The following XKR5 variants were observed in gnomAD, a reference collection of about 807,000 sequenced individuals.
The protein encoded by XKR5 is XK-related protein 5.
In XKR5, 46 loss-of-function variants were observed where a neutral mutation model predicts 40.8. That is an observed-to-expected ratio of 1.13 (90% CI 0.89 to 1.44). The LOEUF (loss-of-function observed/expected upper bound fraction) is 1.44, where lower values mean the gene tolerates loss of function less well. Among genes scored for constraint, XKR5 ranks in the 40% most tolerant of loss-of-function variants. The pLI is 0.00. For missense variants in XKR5, 1,169 were observed against 844.7 expected, an observed-to-expected ratio of 1.38 and a Z score of -4.76; for synonymous variants, 466 against 356.1, an observed-to-expected ratio of 1.31 and a Z score of -3.48.
intron 5 of XKR5, among the ~76,000 whole-genome samples, chr8:6,819,239 G>A (rs1395400243): frequency 1.3e-5 from 2 of 152,220 alleles, no homozygotes; most frequent in Non-Finnish European, 1.5e-5. Context: ...CCTGGGGTCT[G>A]GCAGCCTCTT....
chr8:6,829,912 A>G (rs1299766319), intron 2 of XKR5, among the ~76,000 whole-genome samples: 1 of 128,318 alleles, frequency 7.8e-6, no homozygotes, highest in Non-Finnish European at 1.5e-5. Flanking sequence ...ATCTCGGCTC[A>G]CTGCAAGTTC....
chr8:6,833,745 C>G (rs1233710785), intron 1 of XKR5, among the ~76,000 whole-genome samples: 2 of 152,154 alleles, frequency 1.3e-5, no homozygotes, highest in Non-Finnish European at 2.9e-5. Flanking sequence ...AACCAACCAA[C>G]ACAGTGTCCC....
At chr8:6,816,057 C>G (rs1803945277) in intron 5 of XKR5, 139 bp from the exon 6 acceptor site, 2 of 616,426 alleles carry the variant, frequency 3.2e-6, no homozygotes, top group Non-Finnish European at 5.7e-6. Flanking sequence ...GAGGAGTACC[C>G]AGGAGCAGGG....
At chr8:6,825,370 C>G (rs181306588) in intron 2 of XKR5, 21 bp from the exon 3 acceptor site, 25 of 1,503,846 alleles carry the variant, frequency 1.7e-5, no homozygotes. Context: ...GCAGAGGGCA[C>G]GTGACACGGA....
chr8:6,830,794 C>T (rs1021227594), intron 2 of XKR5, among the ~76,000 whole-genome samples: 4 of 152,094 alleles, frequency 2.6e-5, no homozygotes, highest in African/African-American at 7.2e-5. Flanking sequence ...TATTCAAGTT[C>T]GTTTTTTTAT....
chr8:6,813,649 G>T (rs1438148915), intron 6 of XKR5, among the ~76,000 whole-genome samples: 1 of 152,236 alleles, frequency 6.6e-6, no homozygotes, highest in Non-Finnish European at 1.5e-5. Context: ...TCCATCAGAG[G>T]CCGGAGGAGG....
chr8:6,819,211 T>C (rs1236051770), intron 5 of XKR5, among the ~76,000 whole-genome samples: 1 of 152,194 alleles, frequency 6.6e-6, no homozygotes, highest in Non-Finnish European at 1.5e-5. Flanking sequence ...TGCAGCTTCT[T>C]CTGGGGCCCA....
rs1483685343 is a variant in XKR5, at chr8:6,825,259, G to A, written c.333C>T (p.Ala111=). ...WLQLQEADLS[A]LRLLEALLQT... is the part of the protein sequence containing the mutation. ...GCAGCAGGGCCTCCAAGAGTCGAAGGGCCGACAGGTCGGCCTCCTGCAGCT... is the reference window on the plus strand; with the variant it reads ...GCAGCAGGGCCTCCAAGAGTCGAAGAGCCGACAGGTCGGCCTCCTGCAGCT... Residue 111 remains alanine, a synonymous_variant, in exon 3 of 7, where the codon GCC becomes GCT. Coordinates refer to ENST00000618742, the MANE Select transcript of XKR5 (RefSeq NM_207411.5). 6.2e-7 allele frequency: 1 copy of A among 1,612,150 alleles called. No individual in the cohort carries two copies. Among genetic ancestry groups the A allele is most frequent in the South Asian group, 1.1e-5 (1 of 90,812 alleles).
At chr8:6,826,330 AGT>A (rs147603963) in intron 2 of XKR5, among the ~76,000 whole-genome samples, 3 of 138,500 alleles carry the variant, frequency 2.2e-5, no homozygotes, top group Non-Finnish European at 4.4e-5. Flanking sequence ...GTGCAGTGTG[AGT>A]GTGTGTGTGT....
At position 6,811,356 on chromosome 8, in the gene XKR5, C is replaced by A; in HGVS notation, c.1903G>T (p.Glu635Ter). 3.9e-6 allele frequency: 6 copies of A among 1,537,380 alleles called. No homozygotes were observed. Among genetic ancestry groups the A allele is most frequent in the Non-Finnish European group, 5.2e-6 (6 of 1,146,942 alleles). ...CCAACAGCTGCATGGTGACTTAGCT[C>A]CCTTTTGGGCTCCAGCGGCTCCTCT... ...ELEEPLEPKRELSHHAAVGVW... is the reference protein window; with the variant it reads ...ELEEPLEPKR The change falls in exon 7 of 7, where the codon GAG becomes TAG. Residue 635 changes from glutamate (E) to a stop codon, truncating the protein, a stop_gained. Transcript: ENST00000618742. LOFTEE classifies it low-confidence loss of function (END_TRUNC).
chr8:6,830,547 G>A (rs190110321), intron 2 of XKR5, among the ~76,000 whole-genome samples: 27 of 152,256 alleles, frequency 1.8e-4, no homozygotes, highest in South Asian at 4.1e-4. Flanking sequence ...ATTGTGACCC[G>A]CTTCCGATAG....
At chr8:6,835,405 G>C (rs1380770429) in intron 1 of XKR5, 31 bp downstream of exon 1, 19 of 1,444,868 alleles carry the variant, frequency 1.3e-5, no homozygotes, top group Non-Finnish European at 1.8e-6. Context: ...GGGCTGCAGG[G>C]GTGAGCACAG....
At chr8:6,818,578 C>CCG (rs1804073880) in intron 5 of XKR5, among the ~76,000 whole-genome samples, 2 of 152,246 alleles carry the variant, frequency 1.3e-5, no homozygotes, top group South Asian at 4.1e-4. Context: ...AGGCAGGCTT[C>CCG]CGCCTCTGAG....
Position 6,826,135 on chromosome 8 carries a change from TTG to T in XKR5, c.243-788_243-787del, listed in dbSNP as rs202049620. Among the ~76,000 whole-genome samples, 552 of 152,138 alleles carry T rather than the reference TTG, an allele frequency of 3.6e-3. 2 individuals are homozygous for T. The highest frequency in any genetic ancestry group is 4.6e-3 in the Non-Finnish European group (316 of 67,962). On this transcript the variant is annotated intron_variant, in intron 2 of 6. Transcript: ENST00000618742. ...GAACACACATGTGGTGTACATGTGC[TTG>T]TGTGTGTGTGTATGTATCTGCATGT...
chr8:6,823,724 C>CT lies in XKR5; in HGVS notation c.433dup (p.Ser145LysfsTer85). 6.3e-7 allele frequency: 1 copy of CT among 1,575,410 alleles called. No individual in the cohort carries two copies. Among genetic ancestry groups the CT allele is most frequent in the Non-Finnish European group, 8.6e-7 (1 of 1,160,742 alleles). On this transcript the variant is annotated frameshift_variant, in exon 4 of 7. Transcript: ENST00000618742. LOFTEE classifies it high-confidence loss of function. Reference sequence around the variant, plus strand: ...GAGTGAGGACCAGGAAAACAGGGTGCTCACCCCTGAAAGGGAAGCAGAAAG... The same window carrying CT: ...GAGTGAGGACCAGGAAAACAGGGTGCTTCACCCCTGAAAGGGAAGCAGAAAG...
rs1804337051 is a variant in XKR5 at position 6,823,624 on chromosome 8, G to T, written c.534C>A (p.Ala178=). Reference sequence around the variant, plus strand: ...TCCTCCAGAGCTGCTGGCAGAAGAGGGCGGCCCATGGCATGGCCAGGTGGC... The same window carrying T: ...TCCTCCAGAGCTGCTGGCAGAAGAGTGCGGCCCATGGCATGGCCAGGTGGC... ...KPGHLAMPWA[A]LFCQQLWRMG... Residue 178 remains alanine (A), a synonymous_variant, in exon 4 of 7, where the codon GCC becomes GCA. Coordinates refer to ENST00000618742, the MANE Select transcript of XKR5 (RefSeq NM_207411.5). 6.3e-7 allele frequency: 1 copy of T among 1,593,164 alleles called. No individual in the cohort carries two copies. Among genetic ancestry groups the T allele is most frequent in the South Asian group, 1.1e-5 (1 of 87,292 alleles).
intron 5 of XKR5, 131 bp from the exon 6 acceptor site, chr8:6,816,049 G>A (rs1419647369): frequency 1.6e-6 from 1 of 638,604 alleles, no homozygotes; most frequent in Non-Finnish European, 2.7e-6. Flanking sequence ...AGGCTGCTGA[G>A]GAGTACCCAG....
intron 4 of XKR5, 40 bp from the exon 5 acceptor site, chr8:6,822,078 G>A (rs1296979387): frequency 6.4e-7 from 1 of 1,555,060 alleles, no homozygotes; most frequent in Non-Finnish European, 8.7e-7. Flanking sequence ...GTCCATGCAA[G>A]GAGATGGGGG....
intron 5 of XKR5, among the ~76,000 whole-genome samples, chr8:6,821,591 G>C (rs1463048137): frequency 6.6e-6 from 1 of 152,158 alleles, no homozygotes. Context: ...ATGATATTCA[G>C]CAGGTGGGCT....
Sources: gnomAD v4.1 joint callset for allele counts (sites outside exome capture counted in the v4.1 genomes callset) on GRCh38, gnomAD v4.1.1 for gene constraint, MANE v1.5 for transcripts, NCBI Gene and HGNC (gene_info 2026-07-23, HGNC 2026-07-21) for gene names.